SLC4A3: variants seen among roughly 807,000 people sequenced by gnomAD.
SLC4A3 encodes the protein anion exchange protein 3.
In SLC4A3, 47 loss-of-function variants were observed where a neutral mutation model predicts 114.2. That is an observed-to-expected ratio of 0.41 (90% CI 0.33 to 0.52). The LOEUF (loss-of-function observed/expected upper bound fraction) is 0.52. Among genes scored for constraint, SLC4A3 ranks in the 20% least tolerant of loss-of-function variants. The pLI is 0.21. For missense variants in SLC4A3, 1,312 were observed against 1,668.3 expected (o/e 0.79, Z 3.72); for synonymous variants, 693 against 710.3 (o/e 0.98, Z 0.39).
In SLC4A3 at chr2:219,636,241, G is replaced by A; in HGVS notation, c.2192-61G>A. ...GGGGGCCCCAGTTTAGGACAAGCTA[G>A]ATGAAGAAGGGGGCAGATAGACAGA... On this transcript the variant is annotated intron_variant, in intron 14 of 22. Coordinates refer to ENST00000358055, the MANE Select transcript of SLC4A3 (RefSeq NM_005070.4). The surrounding 1 kb of genome is among the most constrained non-coding windows in gnomAD (Gnocchi z 5.5). 6.2e-7 allele frequency: 1 copy of A among 1,601,372 alleles called. No individual in the cohort carries two copies. The highest frequency in any genetic ancestry group is 1.7e-5 in the Admixed American group (1 of 59,772).
Position 219,641,632 on chromosome 2 carries a change from C to G in SLC4A3, c.3622-19C>G, listed in dbSNP as rs778743523. 6 of 1,609,404 alleles carry G rather than the reference C, an allele frequency of 3.7e-6. No homozygotes were observed. The highest frequency in any genetic ancestry group is 5.1e-6 in the Non-Finnish European group (6 of 1,175,774). ...GAGCATGCTTCCCTGCCTTCCCCAA[C>G]CTTCTGTTCCCTCTGCAGCTGGACT... On this transcript the variant is annotated intron_variant, in intron 22 of 22. Coordinates refer to ENST00000358055, the MANE Select transcript of SLC4A3 (RefSeq NM_005070.4). This position sits in a 1 kb window ranked among gnomAD's most constrained non-coding sequence, Gnocchi z 4.0.
At position 219,641,003 on chromosome 2, in the gene SLC4A3, TGGGCAC is replaced by T; in HGVS notation, c.3621+42_3621+47del. The T allele has an allele frequency of 6.4e-7, 1 of 1,573,780 alleles. No homozygotes were observed. The highest frequency in any genetic ancestry group is 8.6e-7 in the Non-Finnish European group (1 of 1,161,202). Reference sequence around the variant, plus strand: ...TCTGGGGAAACAGTGTTAGGGCAAATGGGCACTGGGTTCCAATCTCTGTTTGGCCAC... The same window carrying T: ...TCTGGGGAAACAGTGTTAGGGCAAATTGGGTTCCAATCTCTGTTTGGCCAC... On this transcript the variant is annotated intron_variant, in intron 22 of 22. Transcript: ENST00000358055. This position sits in a 1 kb window ranked among gnomAD's most constrained non-coding sequence, Gnocchi z 4.0.
intron 10 of SLC4A3, 136 bp downstream of exon 10, chr2:219,633,593 G>GAGAC (rs1182147417): frequency 1.1e-6 from 1 of 876,686 alleles, no homozygotes; most frequent in Non-Finnish European, 1.7e-6. Flanking sequence ...GGACCTAGAG[G>GAGAC]AGACCCGCAT....
Position 219,637,447 on chromosome 2 carries a change from G to A in SLC4A3, c.2536-134G>A, listed in dbSNP as rs775717331. 1.2e-5 allele frequency: 7 copies of A among 603,614 alleles called. No homozygotes were observed. The highest frequency in any genetic ancestry group is 2.1e-5 in the Non-Finnish European group (7 of 333,712). The allele number at this position is 603,614 out of a possible 1,614,324, so 37.4% of individuals were successfully genotyped here. A position where few individuals can be genotyped will look rare whatever the true frequency, so the allele number is the denominator to read the frequency against. On this transcript the variant is annotated intron_variant, in intron 16 of 22. Coordinates refer to ENST00000358055, the MANE Select transcript of SLC4A3 (RefSeq NM_005070.4). This position sits in a 1 kb window ranked among gnomAD's most constrained non-coding sequence, Gnocchi z 4.6. ...TTCTGTGTGTTGTGTGTGTGGTGCA[G>A]CTGGATGTCCGTGCATTACTGTTGT...
At position 219,630,948 on chromosome 2, in the gene SLC4A3, C is replaced by T. The variant is rs1428951193; in HGVS notation, c.811+596C>T. 1 of 185,164 alleles carries T rather than the reference C, an allele frequency of 5.4e-6. No homozygotes were observed. Among genetic ancestry groups the T allele is most frequent in the Admixed American group, 6.6e-5 (1 of 15,134 alleles). The allele number at this position is 185,164 out of a possible 1,614,324, so 11.5% of individuals were successfully genotyped here. On this transcript the variant is annotated intron_variant, in intron 6 of 22. Transcript: ENST00000358055. The surrounding 1 kb of genome is among the most constrained non-coding windows in gnomAD (Gnocchi z 6.9). ...GGGTGGGGTGGGGGGAAGGGTAGGG[C>T]TTTGAGCTCAATACGTCATGGAAAG...
chr2:219,639,805 G>A lies in SLC4A3; in HGVS notation c.3277+70G>A. On this transcript the variant is annotated intron_variant, in intron 20 of 22. Transcript: ENST00000358055. The surrounding 1 kb of genome is among the most constrained non-coding windows in gnomAD (Gnocchi z 5.9). ...ACGGTCTTACATCTTCACTATCCCA[G>A]GCTTGACCCTGAATCTCCCAATGTG... The A allele has an allele frequency of 6.4e-7, 1 of 1,562,774 alleles. No individual in the cohort carries two copies. The highest frequency in any genetic ancestry group is 8.6e-7 in the Non-Finnish European group (1 of 1,157,352).
chr2:219,640,225 G>GCCCCCCCCCCCCCCCC (rs5838745), intron 20 of SLC4A3, among the ~76,000 whole-genome samples: 1 of 108,264 alleles, frequency 9.2e-6, no homozygotes, highest in Non-Finnish European at 1.9e-5. Flanking sequence ...CAATGTGTCT[G>GCCCCCCCCCCCCCCCC]CCCCCCCCCC....
At position 219,635,665 on chromosome 2, in the gene SLC4A3, TC is replaced by T. The variant is rs758038728; in HGVS notation, c.1973-3del. The T allele has an allele frequency of 6.4e-7, 1 of 1,573,272 alleles. No homozygotes were observed. Among genetic ancestry groups the T allele is most frequent in the Non-Finnish European group, 8.6e-7 (1 of 1,160,084 alleles). On this transcript the variant is annotated splice_polypyrimidine_tract_variant and splice_region_variant and intron_variant, in intron 13 of 22. Transcript: ENST00000358055. Reference sequence around the variant, plus strand: ...GGTCTGTGCCCCAGCAGCCCCTTGTTCCCCCAGAACTGTCTTTGGAGTTGGG... The same window carrying T: ...GGTCTGTGCCCCAGCAGCCCCTTGTTCCCCAGAACTGTCTTTGGAGTTGGG...
chr2:219,634,537 G>C lies in SLC4A3; in HGVS notation c.1679G>C (p.Gly560Ala). Residue 560 changes from glycine (G) to alanine (A), a missense_variant, in exon 12 of 23, where the codon GGG (glycine) becomes GCG (alanine). Coordinates refer to ENST00000358055, the MANE Select transcript of SLC4A3 (RefSeq NM_005070.4). ...VPVRFLFVML[G>A]PSHTSTDYHE... ...GTCCGCTTCCTCTTCGTGATGCTGGGGCCCAGCCACACCAGCACTGACTAT... is the reference window on the plus strand; with the variant it reads ...GTCCGCTTCCTCTTCGTGATGCTGGCGCCCAGCCACACCAGCACTGACTAT... 1 of 1,614,208 alleles carries C rather than the reference G, an allele frequency of 6.2e-7. No homozygotes were observed. Among genetic ancestry groups the C allele is most frequent in the Middle Eastern group, 1.6e-4 (1 of 6,062 alleles).
At chr2:219,634,037 G>T in intron 11 of SLC4A3, 58 bp downstream of exon 11, 1 of 1,475,214 alleles carries the variant, frequency 6.8e-7, no homozygotes, top group Non-Finnish European at 9.0e-7. Context: ...CTCTCCTGGG[G>T]GCCTGCTTGT....
In SLC4A3 at chr2:219,632,880, C is replaced by T; in HGVS notation, c.1148C>T (p.Ala383Val). Reference sequence around the variant, plus strand: ...TGCCTGACTGTCCCCCTAGGAGCTGCCCTCCTGGACCTGGAGCAAACCACC... The same window carrying T: ...TGCCTGACTGTCCCCCTAGGAGCTGTCCTCCTGGACCTGGAGCAAACCACC... ...ELRRTIAHGA[A>V]LLDLEQTTLP... Residue 383 changes from alanine (A) to valine (V), a missense_variant, in exon 9 of 23, where the codon GCC becomes GTC. Transcript: ENST00000358055. The T allele has an allele frequency of 6.2e-7, 1 of 1,614,144 alleles. No individual in the cohort carries two copies. The highest frequency in any genetic ancestry group is 8.5e-7 in the Non-Finnish European group (1 of 1,179,998).
Position 219,630,381 on chromosome 2 carries a change from G to A in SLC4A3, c.811+29G>A, listed in dbSNP as rs1403289729. On this transcript the variant is annotated intron_variant, in intron 6 of 22. Transcript: ENST00000358055. This position sits in a 1 kb window ranked among gnomAD's most constrained non-coding sequence, Gnocchi z 6.9. The stretch of plus-strand genomic sequence containing the variant: ...AGTGAGACCTTGTGGCAGCCCCCAT[G>A]GTCCACTGCGACGGACTCCCAGCCT... 6 of 1,571,004 alleles carry A rather than the reference G, an allele frequency of 3.8e-6. No individual in the cohort carries two copies. The East Asian group carries it at 1.4e-4, about 35-fold the overall frequency.
Position 219,637,002 on chromosome 2 carries a change from G to C in SLC4A3, c.2535+128G>C. The C allele has an allele frequency of 1.2e-6, 1 of 865,728 alleles. No homozygotes were observed. Among genetic ancestry groups the C allele is most frequent in the South Asian group, 1.6e-5 (1 of 61,248 alleles). 53.6% of individuals were successfully genotyped at this position (865,728 alleles called of 1,614,324 possible). ...AGAGGGACTGTGTTGGGAGTGAGGG[G>C]TTCTAGGGACACCCTAGGCTAGGTC... On this transcript the variant is annotated intron_variant, in intron 16 of 22. Coordinates refer to ENST00000358055, the MANE Select transcript of SLC4A3 (RefSeq NM_005070.4). This position sits in a 1 kb window ranked among gnomAD's most constrained non-coding sequence, Gnocchi z 4.6.
chr2:219,638,144 C>T lies in SLC4A3; in HGVS notation c.2767-20C>T, dbSNP rs775235924. On this transcript the variant is annotated intron_variant, in intron 17 of 22. Transcript: ENST00000358055. The surrounding 1 kb of genome is among the most constrained non-coding windows in gnomAD (Gnocchi z 7.5). ...CTTGCCTCCACCTTTTGCTCCCTTC[C>T]CCAACTGGCCCCTCTCAAGGCTCGT... 6.3e-6 allele frequency: 10 copies of T among 1,596,288 alleles called. No homozygotes were observed. The highest frequency in any genetic ancestry group is 3.4e-6 in the Non-Finnish European group (4 of 1,168,038).
In SLC4A3 at chr2:219,639,608, G is replaced by T; in HGVS notation, c.3150G>T (p.Thr1050=). 1 of 1,613,878 alleles carries T rather than the reference G, an allele frequency of 6.2e-7. No homozygotes were observed. The part of the protein sequence containing the change: ...LFGLPWLTAA[T]VRSVTHVNAL... Reference sequence around the variant, plus strand: ...GGTTGCCCTGGCTCACGGCTGCCACGGTCCGCTCCGTCACCCATGTCAATG... The same window carrying T: ...GGTTGCCCTGGCTCACGGCTGCCACTGTCCGCTCCGTCACCCATGTCAATG... The change falls in exon 20 of 23, where the codon ACG becomes ACT. Residue 1050 remains threonine (T), a synonymous_variant. Transcript: ENST00000358055. The surrounding 1 kb of genome is among the most constrained non-coding windows in gnomAD (Gnocchi z 5.9).
Position 219,628,345 on chromosome 2 carries a change from G to T in SLC4A3, c.52-60G>T. The T allele has an allele frequency of 2.0e-6, 3 of 1,493,532 alleles. No homozygotes were observed. The highest frequency in any genetic ancestry group is 2.6e-5 in the South Asian group (2 of 75,796). The allele number at this position is 1,493,532 out of a possible 1,614,324, so 92.5% of individuals were successfully genotyped here. ...CTCCCCCAACTAGGGCTTGGAGTTGGGGTGGGTGTGGGGCCTTCATGGGTC... is the reference window on the plus strand; with the variant it reads ...CTCCCCCAACTAGGGCTTGGAGTTGTGGTGGGTGTGGGGCCTTCATGGGTC... On this transcript the variant is annotated intron_variant, in intron 2 of 22. Transcript: ENST00000358055. This position sits in a 1 kb window ranked among gnomAD's most constrained non-coding sequence, Gnocchi z 4.8.
chr2:219,639,561 G>T lies in SLC4A3; in HGVS notation c.3103G>T (p.Gly1035Trp). The change falls in exon 20 of 23, where the codon GGG becomes TGG. Residue 1035 changes from glycine (G) to tryptophan (W), a missense_variant. By Grantham distance (184) the Gly-to-Trp change is radical (BLOSUM62 -2). Coordinates refer to ENST00000358055, the MANE Select transcript of SLC4A3 (RefSeq NM_005070.4). The surrounding 1 kb of genome is among the most constrained non-coding windows in gnomAD (Gnocchi z 5.9). Reference protein sequence around the residue: ...HLDLLLIGSLGGLCGLFGLPW... With the variant: ...HLDLLLIGSLWGLCGLFGLPW... ...GGACCTGCTCCTCATTGGCTCCCTGGGGGGGCTCTGTGGGCTGTTTGGGTT... is the reference window on the plus strand; with the variant it reads ...GGACCTGCTCCTCATTGGCTCCCTGTGGGGGCTCTGTGGGCTGTTTGGGTT... 6.2e-7 allele frequency: 1 copy of T among 1,614,050 alleles called. No homozygotes were observed. The highest frequency in any genetic ancestry group is 8.5e-7 in the Non-Finnish European group (1 of 1,180,028).
chr2:219,634,111 T>G, intron 11 of SLC4A3, 132 bp downstream of exon 11: 1 of 1,101,534 alleles, frequency 9.1e-7, no homozygotes, highest in Non-Finnish European at 1.3e-6. Flanking sequence ...GTCCCTGCTC[T>G]TCCTCACAAC....
In SLC4A3 at chr2:219,628,561, G is replaced by T. The variant is rs1473550082; in HGVS notation, c.208G>T (p.Asp70Tyr). 2 of 1,612,622 alleles carry T rather than the reference G, an allele frequency of 1.2e-6. No homozygotes were observed. The highest frequency in any genetic ancestry group is 1.7e-5 in the Admixed American group (1 of 59,722). ...EKPSRSYSER[D>Y]FEFHRHTSHH... ...GCCCAGCCGCAGCTACAGCGAGCGG[G>T]ACTTTGAGTGTGGGTAGCCTGGGGA... The change falls in exon 3 of 23, where the codon GAC becomes TAC. Residue 70 changes from aspartate (D) to tyrosine (Y), a missense_variant. Transcript: ENST00000358055. The surrounding 1 kb of genome is among the most constrained non-coding windows in gnomAD (Gnocchi z 4.8).
Sources: gnomAD v4.1 joint callset for allele counts (sites outside exome capture counted in the v4.1 genomes callset) on GRCh38, gnomAD v4.1.1 for gene constraint, Gnocchi (gnomAD v3.1) non-coding constraint, MANE v1.5 for transcripts, NCBI Gene and HGNC (gene_info 2026-07-23, HGNC 2026-07-21) for gene names.